Variants in MACO1 observed in about 807,000 individuals in gnomAD.
MACO1 encodes macoilin 1, also known as macoilin.
A neutral mutation model predicts 78.7 loss-of-function variants in MACO1; 14 were observed. The observed-to-expected ratio is 0.18, with a 90% CI of 0.12 to 0.28. The LOEUF (loss-of-function observed/expected upper bound fraction) is 0.28. MACO1 is among the 10% of genes least tolerant of loss of function. MACO1 has a pLI of 1.00. For missense variants in MACO1, 501 were observed against 799.0 expected (o/e 0.63, Z 4.50); for synonymous variants, 288 against 291.6 (o/e 0.99, Z 0.12).
At chr1:25,441,365 A>G (rs1248792504) in intron 1 of MACO1, among the ~76,000 whole-genome samples, 4 of 152,090 alleles carry the variant, frequency 2.6e-5, no homozygotes, top group African/African-American at 9.7e-5. Flanking sequence ...TTGTATTTTT[A>G]GTAGAGACGG....
chr1:25,492,354 C>T (rs911873762), intron 10 of MACO1, among the ~76,000 whole-genome samples: 15 of 152,056 alleles, frequency 9.9e-5, no homozygotes, highest in Admixed American at 6.6e-4. Context: ...CGAGACAGAA[C>T]GTATGTGGCA....
In MACO1 at chr1:25,489,098, G is replaced by T. The variant is rs554517073; in HGVS notation, c.1497-75G>T. On this transcript the variant is annotated intron_variant, in intron 8 of 10. Transcript: ENST00000374343. Reference sequence around the variant, plus strand: ...GGCCTCCCAAAGTGCTGGGATTACAGGCCTGAGTCACAGGGCCCAGCCCCA... The same window carrying T: ...GGCCTCCCAAAGTGCTGGGATTACATGCCTGAGTCACAGGGCCCAGCCCCA... The T allele has an allele frequency of 6.6e-6, 10 of 1,524,780 alleles. No individual in the cohort carries two copies. The African/African-American group carries it at 6.9e-5, about 11-fold the overall frequency. 94.5% of individuals were successfully genotyped at this position (1,524,780 alleles called of 1,614,324 possible).
rs756824645 is a variant in MACO1, at chr1:25,458,409, A to G, written c.671A>G (p.Asp224Gly). ...EAEEAAKGLP[D>G]MDSSILIHHN... ...ATTGTAGCAGCCAAAGGATTACCTG[A>G]TATGGATTCTTCGATCCTTATACAC... The change falls in exon 6 of 11, where the codon GAT becomes GGT. Residue 224 changes from aspartate to glycine, a missense_variant. By Grantham distance (94) the Asp-to-Gly change is moderately conservative. Coordinates refer to ENST00000374343, the MANE Select transcript of MACO1 (RefSeq NM_018202.6). The G allele has an allele frequency of 6.3e-7, 1 of 1,595,804 alleles. No homozygotes were observed. Among genetic ancestry groups the G allele is most frequent in the Non-Finnish European group, 8.5e-7 (1 of 1,174,776 alleles).
chr1:25,475,418 A>G (rs2043312917), intron 6 of MACO1, among the ~76,000 whole-genome samples: 1 of 150,916 alleles, frequency 6.6e-6, no homozygotes, highest in South Asian at 2.1e-4. Flanking sequence ...AGTGACCTAA[A>G]AAGTTTATGT....
chr1:25,491,002 C>T (rs1419746886), intron 9 of MACO1, among the ~76,000 whole-genome samples: 2 of 152,120 alleles, frequency 1.3e-5, no homozygotes, highest in Non-Finnish European at 2.9e-5. Context: ...TGGGCTTATT[C>T]TGCAGTATGC....
intron 6 of MACO1, among the ~76,000 whole-genome samples, chr1:25,476,439 G>A (rs1458627635): frequency 6.6e-6 from 1 of 152,202 alleles, no homozygotes; most frequent in Non-Finnish European, 1.5e-5. Context: ...CAAATCTGTG[G>A]TTTATACCTG....
At position 25,485,860 on chromosome 1, in the gene MACO1, A is replaced by T; in HGVS notation, c.1496+65A>T. On this transcript the variant is annotated intron_variant, in intron 8 of 10. Transcript: ENST00000374343. This position sits in a 1 kb window ranked among gnomAD's most constrained non-coding sequence, Gnocchi z 4.3. The stretch of plus-strand genomic sequence containing the variant: ...TTTCCTTTACCAACAAAGACATGGG[A>T]ATTTGGTGCCTTGGGCAGGATTGGA... 6.5e-7 allele frequency: 1 copy of T among 1,536,506 alleles called. No homozygotes were observed. Among genetic ancestry groups the T allele is most frequent in the South Asian group, 1.3e-5 (1 of 79,738 alleles).
intron 8 of MACO1, among the ~76,000 whole-genome samples, chr1:25,488,313 G>C (rs962278259): frequency 1.3e-5 from 2 of 152,158 alleles, no homozygotes; most frequent in Non-Finnish European, 2.9e-5. Context: ...GGCCTTGGGA[G>C]TGCTGGGATT....
At chr1:25,455,202 ATAT>A (rs1224613518) in intron 4 of MACO1, among the ~76,000 whole-genome samples, 1 of 152,188 alleles carries the variant, frequency 6.6e-6, no homozygotes, top group Non-Finnish European at 1.5e-5. Context: ...AAGTAAGAGA[ATAT>A]TATTAATAAT....
chr1:25,496,529 C>G (rs1033835952), intron 10 of MACO1, among the ~76,000 whole-genome samples: 2 of 152,050 alleles, frequency 1.3e-5, no homozygotes, highest in Non-Finnish European at 2.9e-5. Flanking sequence ...TCTGGTCTCC[C>G]TAGAAGACCA....
intron 6 of MACO1, among the ~76,000 whole-genome samples, chr1:25,483,660 T>C (rs2043401393): frequency 6.6e-6 from 1 of 152,162 alleles, no homozygotes. Context: ...TCTAGGCCCA[T>C]GGTGGGACGC....
intron 1 of MACO1, among the ~76,000 whole-genome samples, chr1:25,443,027 C>T (rs147933774): frequency 5.9e-5 from 9 of 152,284 alleles, no homozygotes; most frequent in Admixed American, 1.3e-4. Context: ...ATCATATTTT[C>T]TTCATGGTTT....
At chr1:25,484,082 C>G (rs1571986142) in intron 6 of MACO1, 34 bp from the exon 7 acceptor site, 1 of 1,582,860 alleles carries the variant, frequency 6.3e-7, no homozygotes, top group African/African-American at 1.3e-5. Flanking sequence ...GTGCCCTCAC[C>G]TAGATGAAAA....
At chr1:25,489,440 G>A in intron 9 of MACO1, 147 bp downstream of exon 9, 1 of 968,612 alleles carries the variant, frequency 1.0e-6, no homozygotes, top group Non-Finnish European at 1.5e-6. Context: ...AAAAAGATTT[G>A]AAGTTCTAAT....
chr1:25,463,277 A>G (rs2043187679), intron 6 of MACO1, among the ~76,000 whole-genome samples: 1 of 152,242 alleles, frequency 6.6e-6, no homozygotes, highest in African/African-American at 2.4e-5. Flanking sequence ...AAGGAAATAC[A>G]GGAGAAAGTG....
intron 6 of MACO1, among the ~76,000 whole-genome samples, chr1:25,470,219 G>T (rs2043255473): frequency 6.6e-6 from 1 of 152,172 alleles, no homozygotes; most frequent in Non-Finnish European, 1.5e-5. Context: ...AAAGCCACTA[G>T]CAAATTTGGG....
chr1:25,439,401 AAAAT>A (rs1403136065), intron 1 of MACO1, among the ~76,000 whole-genome samples: 3 of 117,912 alleles, frequency 2.5e-5, no homozygotes, highest in Admixed American at 8.7e-5. Context: ...GTCTCTGAAA[AAAAT>A]AAACAAACAA....
chr1:25,458,453 G>A lies in MACO1; in HGVS notation c.715G>A (p.Ala239Thr), dbSNP rs1333979244. Residue 239 changes from alanine to threonine, a missense_variant, in exon 6 of 11, where the codon GCC (alanine) becomes ACC (threonine). Coordinates refer to ENST00000374343, the MANE Select transcript of MACO1 (RefSeq NM_018202.6). ...TATACACCACAATGGAGGTATCCCAGCCAACAAAAAACTCTCCACAACTTT... is the reference window on the plus strand; with the variant it reads ...TATACACCACAATGGAGGTATCCCAACCAACAAAAAACTCTCCACAACTTT... ...ILIHHNGGIPANKKLSTTLPE... is the reference protein window; with the variant it reads ...ILIHHNGGIPTNKKLSTTLPE... 6.2e-7 allele frequency: 1 copy of A among 1,613,152 alleles called. No individual in the cohort carries two copies.
chr1:25,496,359 G>A (rs1007823920), intron 10 of MACO1, among the ~76,000 whole-genome samples: 1 of 152,056 alleles, frequency 6.6e-6, no homozygotes, highest in Non-Finnish European at 1.5e-5. Context: ...TGTTGCCCGG[G>A]CTGGTCTCGA....
Sources: gnomAD v4.1 joint callset for allele counts (sites outside exome capture counted in the v4.1 genomes callset) on GRCh38, gnomAD v4.1.1 for gene constraint, Gnocchi (gnomAD v3.1) non-coding constraint, MANE v1.5 for transcripts, NCBI Gene and HGNC (gene_info 2026-07-23, HGNC 2026-07-21) for gene names.